Variants in ZC3H11A observed in about 807,000 individuals in gnomAD.
ZC3H11A encodes the protein zinc finger CCCH domain-containing protein 11A.
A neutral mutation model predicts 90.8 loss-of-function variants in ZC3H11A; 22 were observed. The ratio of observed to expected loss-of-function variants is 0.24; its 90% CI spans 0.17 to 0.35. ZC3H11A has a LOEUF of 0.35. Among genes scored for constraint, ZC3H11A ranks in the 10% least tolerant of loss-of-function variants. The pLI is 1.00. For missense variants in ZC3H11A, 701 were observed against 964.9 expected (o/e 0.73, Z 3.62); for synonymous variants, 294 against 339.8 (o/e 0.87, Z 1.48).
intron 11 of ZC3H11A, 117 bp downstream of exon 11, chr1:203,838,181 GTTATA>G (rs1237750798): frequency 1.9e-5 from 18 of 962,812 alleles, no homozygotes; most frequent in South Asian, 1.7e-5. Context: ...TCTTGTATTT[GTTATA>G]TTATTCACTC....
chr1:203,828,573 G>A, intron 5 of ZC3H11A, 151 bp downstream of exon 5: 1 of 1,045,716 alleles, frequency 9.6e-7, no homozygotes, highest in Non-Finnish European at 1.4e-6. Context: ...ATCTTATTAA[G>A]GTTAAATGAT....
At chr1:203,833,376 A>G (rs1002017657) in intron 9 of ZC3H11A, among the ~76,000 whole-genome samples, 21 of 147,982 alleles carry the variant, frequency 1.4e-4, no homozygotes, top group African/African-American at 4.7e-4. Flanking sequence ...AAAAAAAAAA[A>G]AAAAAAAACA....
intron 9 of ZC3H11A, among the ~76,000 whole-genome samples, chr1:203,832,407 C>G (rs1242478400): frequency 6.6e-6 from 1 of 151,666 alleles, no homozygotes; most frequent in Non-Finnish European, 1.5e-5. Flanking sequence ...GTCGCCCAGG[C>G]TAAAGTGCAA....
At chr1:203,838,195 T>C (rs985141115) in intron 11 of ZC3H11A, 131 bp downstream of exon 11, 13 of 864,962 alleles carry the variant, frequency 1.5e-5, no homozygotes, top group Non-Finnish European at 2.1e-5. Flanking sequence ...TATTATTCAC[T>C]CAACAAACAT....
intron 12 of ZC3H11A, among the ~76,000 whole-genome samples, chr1:203,846,256 ATTAT>A (rs1273578473): frequency 2.0e-5 from 3 of 149,810 alleles, no homozygotes; most frequent in African/African-American, 2.5e-5. Context: ...ATCTCTTTTC[ATTAT>A]TTATTTTCTT....
At chr1:203,810,296 A>G (rs992731968) in intron 2 of ZC3H11A, among the ~76,000 whole-genome samples, 9 of 152,114 alleles carry the variant, frequency 5.9e-5, no homozygotes, top group African/African-American at 2.2e-4. Flanking sequence ...CTTGAATGGC[A>G]ATTATATTTG....
intron 9 of ZC3H11A, among the ~76,000 whole-genome samples, chr1:203,833,007 G>A (rs1682898563): frequency 6.6e-6 from 1 of 152,154 alleles, no homozygotes; most frequent in Admixed American, 6.5e-5. Flanking sequence ...GCTGAGGCGG[G>A]CGGATCGCTT....
At position 203,833,050 on chromosome 1, in the gene ZC3H11A, A is replaced by G. The variant is rs565113405; in HGVS notation, c.812-741A>G. On this transcript the variant is annotated intron_variant, in intron 9 of 17. Coordinates refer to ENST00000367210, the MANE Select transcript of ZC3H11A (RefSeq NM_001376342.1). Reference sequence around the variant, plus strand: ...GGAGTTCAAGACCAGCCTGGCCAACATGGTGAAACCCTGTCTCTACTAAAA... The same window carrying G: ...GGAGTTCAAGACCAGCCTGGCCAACGTGGTGAAACCCTGTCTCTACTAAAA... Among the ~76,000 whole-genome samples the G allele has an allele frequency of 4.2e-4, 63 of 151,752 alleles. 2 individuals are homozygous for G. The East Asian group carries it at 0.012, about 29-fold the overall frequency.
intron 2 of ZC3H11A, among the ~76,000 whole-genome samples, chr1:203,806,729 A>C (rs1482988479): frequency 6.6e-6 from 1 of 150,994 alleles, no homozygotes; most frequent in East Asian, 1.9e-4. Context: ...GTTTTACCAT[A>C]TTGCATATGC....
At chr1:203,804,480 G>A (rs1227742698) in intron 2 of ZC3H11A, among the ~76,000 whole-genome samples, 1 of 151,746 alleles carries the variant, frequency 6.6e-6, no homozygotes, top group Admixed American at 6.6e-5. Context: ...ATTGTGAATG[G>A]TCTCTTCCTG....
chr1:203,807,777 T>A (rs1672877371), intron 2 of ZC3H11A, among the ~76,000 whole-genome samples: 1 of 152,038 alleles, frequency 6.6e-6, no homozygotes, highest in African/African-American at 2.4e-5. Context: ...GGTCTTGCTC[T>A]GTTGCGCAGA....
intron 1 of ZC3H11A, chr1:203,800,534 TATA>T: frequency 7.4e-7 from 1 of 1,349,474 alleles, no homozygotes; most frequent in Non-Finnish European, 9.7e-7. Flanking sequence ...AGTTGTTAAA[TATA>T]ATCATTATCT....
At chr1:203,817,233 C>T (rs1353824038) in intron 3 of ZC3H11A, 109 bp downstream of exon 3, 1 of 827,654 alleles carries the variant, frequency 1.2e-6, no homozygotes, top group Non-Finnish European at 1.8e-6. Context: ...ATTTTTTGCC[C>T]AACTTTATTA....
intron 4 of ZC3H11A, among the ~76,000 whole-genome samples, chr1:203,821,989 C>T (rs1462853841): frequency 6.6e-6 from 1 of 152,080 alleles, no homozygotes; most frequent in Non-Finnish European, 1.5e-5. Flanking sequence ...GATCTGCTGA[C>T]CTCGTGATCC....
At position 203,852,663 on chromosome 1, in the gene ZC3H11A, A is replaced by C. The variant is rs552573964; in HGVS notation, c.*264A>C. 93 of 467,474 alleles carry C rather than the reference A, an allele frequency of 2.0e-4. No homozygotes were observed. The highest frequency in any genetic ancestry group is 3.1e-4 in the Non-Finnish European group (80 of 259,860). 29.0% of individuals were successfully genotyped at this position (467,474 alleles called of 1,614,324 possible). A position where few individuals can be genotyped will look rare whatever the true frequency, so the allele number is the denominator to read the frequency against. On this transcript the variant is annotated 3_prime_UTR_variant, in exon 18 of 18. Transcript: ENST00000367210. ...TGTCATACCCTTCTCTCCACAAAAA[A>C]GAGACTGAGAGGGAGATCAAGTGAA...
rs190706736 is a variant in ZC3H11A, at chr1:203,822,600, T to C, written c.174+3911T>C. On this transcript the variant is annotated intron_variant, in intron 4 of 17. Coordinates refer to ENST00000367210, the MANE Select transcript of ZC3H11A (RefSeq NM_001376342.1). ...CTTCCTAACCCCACTTGGTCTTTGA[T>C]GCCATTCTAGACTGACCCTACATGA... Among the ~76,000 whole-genome samples, 3 of 152,254 alleles carry C rather than the reference T, an allele frequency of 2.0e-5. No individual in the cohort carries two copies. In the East Asian group the frequency reaches 5.8e-4, roughly 29 times the overall value.
chr1:203,830,769 A>G (rs1488807085), intron 8 of ZC3H11A, among the ~76,000 whole-genome samples: 2 of 151,918 alleles, frequency 1.3e-5, no homozygotes, highest in Admixed American at 6.6e-5. Flanking sequence ...AGATCGCACC[A>G]TTGTATTCCA....
At chr1:203,797,304 G>T in intron 1 of ZC3H11A, 1 of 384,998 alleles carries the variant, frequency 2.6e-6, no homozygotes, top group Non-Finnish European at 4.6e-6. Flanking sequence ...AATTGGAAGG[G>T]ACCTTAAAGC....
chr1:203,828,640 T>C (rs1681313277), intron 5 of ZC3H11A, among the ~76,000 whole-genome samples: 1 of 152,234 alleles, frequency 6.6e-6, no homozygotes, highest in African/African-American at 2.4e-5. Context: ...GTTATTATAC[T>C]TACTTCATTT....
Sources: allele counts gnomAD v4.1 joint callset (sites outside exome capture counted in the v4.1 genomes callset), GRCh38; gene constraint gnomAD v4.1.1; transcripts MANE v1.5; gene names NCBI Gene and HGNC (gene_info 2026-07-23, HGNC 2026-07-21).